The following SLC44A5 variants were observed in gnomAD, a reference collection of about 807,000 sequenced individuals.
SLC44A5 encodes the protein choline transporter-like protein 5.
SLC44A5 carries 57 observed loss-of-function variants against 101.8 expected under a neutral mutation model. The observed-to-expected ratio is 0.56, with a 90% CI of 0.45 to 0.70. The LOEUF is 0.70. Among genes scored for constraint, SLC44A5 ranks in the 30% least tolerant of loss-of-function variants. The pLI is 0.00. For synonymous variants in SLC44A5, 281 were observed against 290.9 expected, an observed-to-expected ratio of 0.97 and a Z score of 0.35; for missense variants, 737 against 853.1, an observed-to-expected ratio of 0.86 and a Z score of 1.70.
the SLC44A5 span, among the ~76,000 whole-genome samples, chr1:75,652,629 T>C: frequency 6.6e-6 from 1 of 152,096 alleles, no homozygotes; most frequent in South Asian, 2.1e-4. Context: ...ACCCTATCAC[T>C]ACAAGATTTT....
chr1:75,537,034 A>AAAAAAAAAAAAAG lies in SLC44A5; in HGVS notation c.13+4400_13+4401insCTTTTTTTTTTTT. On this transcript the variant is annotated intron_variant, in intron 2 of 23. Coordinates refer to ENST00000370859, the MANE Select transcript of SLC44A5 (RefSeq NM_001130058.2). ...AAAAAAAAAAAAAAAAAAAAAAAAAATATATATCTATGCCAAATGATTCTG... is the reference window on the plus strand; with the variant it reads ...AAAAAAAAAAAAAAAAAAAAAAAAAAAAAAAAAAAAAAGTATATATCTATGCCAAATGATTCTG... Among the ~76,000 whole-genome samples the AAAAAAAAAAAAAG allele has an allele frequency of 2.7e-3, 51 of 18,646 alleles. 2 individuals are homozygous for AAAAAAAAAAAAAG. Among genetic ancestry groups the AAAAAAAAAAAAAG allele is most frequent in the Admixed American group, 7.2e-3 (8 of 1,104 alleles). The allele number at this position is 18,646 out of a possible 152,430, so 12.2% of individuals were successfully genotyped here. A position where few individuals can be genotyped will look rare whatever the true frequency, so the allele number is the denominator to read the frequency against.
chr1:75,450,795 AC>A (rs1570316803), intron 2 of SLC44A5, among the ~76,000 whole-genome samples: 2 of 152,198 alleles, frequency 1.3e-5, no homozygotes, highest in East Asian at 3.9e-4. Context: ...CCTGAGCTAC[AC>A]CACTCTTCCT....
intron 2 of SLC44A5, among the ~76,000 whole-genome samples, chr1:75,428,519 G>A (rs189749155): frequency 1.3e-3 from 193 of 152,246 alleles, no homozygotes; most frequent in Admixed American, 0.012. Flanking sequence ...TGAAGCTTTA[G>A]AGTGCAAATG....
At chr1:75,217,061 T>C (rs576927516) in intron 18 of SLC44A5, among the ~76,000 whole-genome samples, 3 of 152,118 alleles carry the variant, frequency 2.0e-5, no homozygotes, top group Non-Finnish European at 4.4e-5. Context: ...TATGTTTTCT[T>C]CTAAGAGTTT....
chr1:75,508,146 A>G (rs904085092), intron 2 of SLC44A5, among the ~76,000 whole-genome samples: 1 of 152,206 alleles, frequency 6.6e-6, no homozygotes, highest in African/African-American at 2.4e-5. Flanking sequence ...AAATTTAAAA[A>G]AAATCATACC....
chr1:75,611,106 T>C lies in SLC44A5; in HGVS notation c.-136A>G, dbSNP rs1675637344. 1 of 985,148 alleles carries C rather than the reference T, an allele frequency of 1.0e-6. No individual in the cohort carries two copies. Among genetic ancestry groups the C allele is most frequent in the South Asian group, 4.7e-5 (1 of 21,272 alleles). 61.0% of individuals were successfully genotyped at this position (985,148 alleles called of 1,614,324 possible). ...ACCTTCTAACTCTAACATGCTACGA[T>C]TCACTACTGTGAAAAAAAAGCTGAT... On this transcript the variant is annotated 5_prime_UTR_variant, in exon 1 of 24. Transcript: ENST00000370859.
chr1:75,541,117 A>T (rs113886107), intron 2 of SLC44A5, among the ~76,000 whole-genome samples: 1 of 152,170 alleles, frequency 6.6e-6, no homozygotes, highest in Non-Finnish European at 1.5e-5. Context: ...GGAGAAAGGG[A>T]ACAGTTTCAG....
chr1:75,554,453 CAG>C (rs1426545845), intron 1 of SLC44A5, among the ~76,000 whole-genome samples: 1 of 118,506 alleles, frequency 8.4e-6, no homozygotes, highest in Non-Finnish European at 1.6e-5. Flanking sequence ...GCCTGAGCAA[CAG>C]AGTGTGACTC....
the SLC44A5 span, among the ~76,000 whole-genome samples, chr1:75,640,075 G>C: frequency 1.3e-5 from 2 of 152,078 alleles, no homozygotes; most frequent in African/African-American, 4.8e-5. Context: ...TAAGTTACTT[G>C]TTACTGTGTG....
chr1:75,317,649 C>A (rs776871519), intron 4 of SLC44A5, among the ~76,000 whole-genome samples: 2 of 152,116 alleles, frequency 1.3e-5, no homozygotes, highest in Admixed American at 6.6e-5. Flanking sequence ...GTTTAAATAA[C>A]AGCCATTTGT....
chr1:75,556,247 G>A (rs1672210784), intron 1 of SLC44A5, among the ~76,000 whole-genome samples: 1 of 152,044 alleles, frequency 6.6e-6, no homozygotes, highest in Non-Finnish European at 1.5e-5. Context: ...TGTTTCATGG[G>A]TAATACATAC....
intron 1 of SLC44A5, among the ~76,000 whole-genome samples, chr1:75,563,928 T>C (rs1672651962): frequency 6.6e-6 from 1 of 152,126 alleles, no homozygotes; most frequent in Admixed American, 6.5e-5. Context: ...ATATTAGCAA[T>C]AGAGAATATA....
At chr1:75,508,570 T>C (rs183589665) in intron 2 of SLC44A5, among the ~76,000 whole-genome samples, 50 of 151,930 alleles carry the variant, frequency 3.3e-4, no homozygotes, top group Non-Finnish European at 5.0e-4. Context: ...GTTGGTTCTT[T>C]AAAAGGATAA....
In SLC44A5 at chr1:75,380,912, G is replaced by A. The variant is rs1402965692; in HGVS notation, c.52+15671C>T. On this transcript the variant is annotated intron_variant, in intron 3 of 23. Coordinates refer to ENST00000370859, the MANE Select transcript of SLC44A5 (RefSeq NM_001130058.2). ...ATGATAAATATTTCCATTGGGTATC[G>A]TTATCCTCCTATTTGCCTAGGGAGA... 8.5e-5 allele frequency among the ~76,000 whole-genome samples: 7 copies of A among 82,424 alleles called. 2 individuals carry two copies. The highest frequency in any genetic ancestry group is 2.4e-4 in the African/African-American group (3 of 12,618). 54.1% of individuals were successfully genotyped at this position (82,424 alleles called of 152,430 possible).
At chr1:75,268,505 T>C (rs1470635661) in intron 6 of SLC44A5, among the ~76,000 whole-genome samples, 49 of 152,188 alleles carry the variant, frequency 3.2e-4, no homozygotes, top group Admixed American at 3.1e-3. Flanking sequence ...AGGTAGCTTG[T>C]TCATTTGTTT....
At chr1:75,264,309 G>C (rs930697480) in intron 6 of SLC44A5, among the ~76,000 whole-genome samples, 10 of 152,140 alleles carry the variant, frequency 6.6e-5, no homozygotes, top group African/African-American at 1.9e-4. Flanking sequence ...CAAAGTGCAA[G>C]CCATTGGCAT....
At chr1:75,359,843 A>G (rs1659360440) in intron 3 of SLC44A5, among the ~76,000 whole-genome samples, 2 of 152,094 alleles carry the variant, frequency 1.3e-5, no homozygotes, top group South Asian at 4.1e-4. Context: ...GTTATCTTTC[A>G]TATTTTCAAT....
intron 5 of SLC44A5, among the ~76,000 whole-genome samples, chr1:75,295,022 T>G (rs1219970486): frequency 6.6e-6 from 1 of 152,194 alleles, no homozygotes; most frequent in African/African-American, 2.4e-5. Flanking sequence ...ATATCTTAAC[T>G]GTTCTTTCCA....
At chr1:75,506,363 A>C (rs1669254789) in intron 2 of SLC44A5, among the ~76,000 whole-genome samples, 2 of 152,136 alleles carry the variant, frequency 1.3e-5, no homozygotes, top group Non-Finnish European at 2.9e-5. Flanking sequence ...TGAACTTTAG[A>C]ATAGTTTGTT....
Sources: gnomAD v4.1 joint callset for allele counts (sites outside exome capture counted in the v4.1 genomes callset) on GRCh38, gnomAD v4.1.1 for gene constraint, MANE v1.5 for transcripts, NCBI Gene and HGNC (gene_info 2026-07-23, HGNC 2026-07-21) for gene names.